The following DLGAP2 variants were observed in gnomAD, a reference collection of about 807,000 sequenced individuals.
The protein encoded by DLGAP2 is disks large-associated protein 2.
DLGAP2 carries 26 observed loss-of-function variants against 100.3 expected under a neutral mutation model. The observed-to-expected ratio is 0.26, with a 90% CI of 0.19 to 0.36. The LOEUF (loss-of-function observed/expected upper bound fraction) is 0.36, where lower values mean the gene tolerates loss of function less well. Among genes scored for constraint, DLGAP2 ranks in the 10% least tolerant of loss-of-function variants. DLGAP2 has a pLI of 1.00. For synonymous variants in DLGAP2, 886 were observed against 630.1 expected (o/e 1.41, Z -6.08); for missense variants, 1,858 against 1,453.2 (o/e 1.28, Z -4.53).
chr8:1,657,876 A>G (rs572613805), intron 8 of DLGAP2, among the ~76,000 whole-genome samples: 31 of 152,218 alleles, frequency 2.0e-4, no homozygotes, highest in Non-Finnish European at 4.0e-4. Flanking sequence ...CTTTTGTCAC[A>G]GCCGAGAAAG....
At chr8:1,096,457 G>C (rs1668142674) in intron 2 of DLGAP2, among the ~76,000 whole-genome samples, 1 of 152,214 alleles carries the variant, frequency 6.6e-6, no homozygotes, top group South Asian at 2.1e-4. Context: ...GAACCCCCCA[G>C]CGTGAGAACT....
chr8:1,451,235 C>A (rs1798150991), intron 3 of DLGAP2, among the ~76,000 whole-genome samples: 1 of 152,118 alleles, frequency 6.6e-6, no homozygotes, highest in African/African-American at 2.4e-5. Flanking sequence ...AGGAACAGGC[C>A]TGTTGCAGCG....
intron 7 of DLGAP2, among the ~76,000 whole-genome samples, chr8:1,627,666 G>C (rs551198455): frequency 8.5e-5 from 13 of 152,292 alleles, no homozygotes; most frequent in African/African-American, 2.9e-4. Flanking sequence ...TTTTCTCTTA[G>C]TGTGGAGTAG....
At chr8:1,536,260 T>C (rs1024886250) in intron 4 of DLGAP2, among the ~76,000 whole-genome samples, 1 of 152,140 alleles carries the variant, frequency 6.6e-6, no homozygotes, top group Non-Finnish European at 1.5e-5. Flanking sequence ...GGAGCAGTAA[T>C]GTTGTCATCT....
At chr8:1,001,274 G>T (rs890737337) in intron 2 of DLGAP2, among the ~76,000 whole-genome samples, 2 of 152,200 alleles carry the variant, frequency 1.3e-5, no homozygotes, top group Non-Finnish European at 2.9e-5. Context: ...CACTGGCTCT[G>T]TCAGAAGCCT....
At chr8:860,538 G>A (rs912308603) in intron 1 of DLGAP2, among the ~76,000 whole-genome samples, 3 of 152,184 alleles carry the variant, frequency 2.0e-5, no homozygotes, top group Non-Finnish European at 2.9e-5. Context: ...CCGGCAAACC[G>A]TCTGCATTTG....
chr8:1,243,389 C>T (rs192130313), intron 2 of DLGAP2, among the ~76,000 whole-genome samples: 134 of 152,262 alleles, frequency 8.8e-4, no homozygotes, highest in African/African-American at 3.0e-3. Context: ...CACTGGTGAG[C>T]GACGGTCATT....
chr8:1,467,983 T>G, intron 3 of DLGAP2, among the ~76,000 whole-genome samples: 1 of 152,242 alleles, frequency 6.6e-6, no homozygotes. Context: ...GCTGGAACCG[T>G]GCTAATTCTT....
intron 3 of DLGAP2, among the ~76,000 whole-genome samples, chr8:1,429,044 C>G (rs1797327579): frequency 6.6e-6 from 1 of 152,192 alleles, no homozygotes. Context: ...CAGCACCAGA[C>G]TGCAAGCAGT....
At chr8:1,212,665 T>C (rs1021141283) in intron 2 of DLGAP2, among the ~76,000 whole-genome samples, 1 of 152,122 alleles carries the variant, frequency 6.6e-6, no homozygotes, top group African/African-American at 2.4e-5. Context: ...GGAGGACTGT[T>C]GCCAGCAAAT....
At chr8:1,434,182 T>C (rs1378166210) in intron 3 of DLGAP2, among the ~76,000 whole-genome samples, 3 of 151,996 alleles carry the variant, frequency 2.0e-5, no homozygotes, top group Non-Finnish European at 4.4e-5. Flanking sequence ...GCTCAGCCGC[T>C]CTCTCTTTCT....
chr8:1,306,755 C>G (rs867190225), intron 3 of DLGAP2, among the ~76,000 whole-genome samples: 1 of 152,094 alleles, frequency 6.6e-6, no homozygotes, highest in African/African-American at 2.4e-5. Context: ...TGTATATTGT[C>G]AAATGATTTC....
intron 1 of DLGAP2, among the ~76,000 whole-genome samples, chr8:800,643 T>G (rs558448933): frequency 5.9e-5 from 9 of 152,236 alleles, no homozygotes; most frequent in African/African-American, 1.7e-4. Flanking sequence ...TGTGCATGTC[T>G]ATGTGTGCAC....
At chr8:927,159 G>A in intron 2 of DLGAP2, 1 of 985,460 alleles carries the variant, frequency 1.0e-6, no homozygotes, top group Non-Finnish European at 1.2e-6. Context: ...AGCTGGTGAT[G>A]ATGTGTCAGA....
chr8:1,621,896 A>G (rs1797351876), intron 6 of DLGAP2: 1 of 152,148 alleles, frequency 6.6e-6, no homozygotes, highest in Admixed American at 6.5e-5. Flanking sequence ...TGAGATGCAA[A>G]TGTGGATTTC....
intron 3 of DLGAP2, among the ~76,000 whole-genome samples, chr8:1,307,906 T>C (rs1800527195): frequency 6.6e-6 from 1 of 151,676 alleles, no homozygotes; most frequent in Admixed American, 6.6e-5. Flanking sequence ...GGGTACAGAG[T>C]TTCACATGAG....
At chr8:783,192 C>CT (rs1777729451) in intron 1 of DLGAP2, among the ~76,000 whole-genome samples, 1 of 152,138 alleles carries the variant, frequency 6.6e-6, no homozygotes, top group Non-Finnish European at 1.5e-5. Flanking sequence ...ATACATGTGT[C>CT]TTTTTTGCGC....
chr8:1,417,504 A>G (rs891431002), intron 3 of DLGAP2, among the ~76,000 whole-genome samples: 1 of 152,240 alleles, frequency 6.6e-6, no homozygotes, highest in Non-Finnish European at 1.5e-5. Flanking sequence ...GGGGCTCACC[A>G]GGGCAGGCAT....
At chr8:1,435,418 G>A (rs1296150074) in intron 3 of DLGAP2, among the ~76,000 whole-genome samples, 1 of 152,134 alleles carries the variant, frequency 6.6e-6, no homozygotes, top group South Asian at 2.1e-4. Flanking sequence ...ATTATCATCA[G>A]CTGGAAGACT....
Sources: gnomAD v4.1 joint callset for allele counts (sites outside exome capture counted in the v4.1 genomes callset) on GRCh38, gnomAD v4.1.1 for gene constraint, MANE v1.5 for transcripts, NCBI Gene and HGNC (gene_info 2026-07-23, HGNC 2026-07-21) for gene names.